Variants in LRRC20 observed in about 807,000 individuals in gnomAD.
LRRC20 encodes the protein leucine-rich repeat-containing protein 20.
LRRC20 carries 11 observed loss-of-function variants against 14.4 expected under a neutral mutation model. The ratio of observed to expected loss-of-function variants is 0.77; its 90% CI spans 0.48 to 1.27. LRRC20 has a LOEUF of 1.27. Ranked by LOEUF, LRRC20 falls within the 50% of genes most tolerant of loss-of-function variation. The pLI, the probability that LRRC20 is intolerant of heterozygous loss-of-function variation, is 0.00. For missense variants in LRRC20, 219 were observed against 251.2 expected, an observed-to-expected ratio of 0.87 and a Z score of 0.87; for synonymous variants, 121 against 107.3, an observed-to-expected ratio of 1.13 and a Z score of -0.79.
intron 3 of LRRC20, among the ~76,000 whole-genome samples, chr10:70,329,857 G>C (rs186588877): frequency 1.3e-5 from 2 of 152,104 alleles, no homozygotes; most frequent in Non-Finnish European, 2.9e-5. Context: ...GAGCCACCTC[G>C]CCCAGCCTAG....
At chr10:70,329,375 T>A (rs1237948640) in intron 3 of LRRC20, among the ~76,000 whole-genome samples, 3 of 152,208 alleles carry the variant, frequency 2.0e-5, no homozygotes, top group Non-Finnish European at 4.4e-5. Flanking sequence ...AGAGTGGACA[T>A]CCTTGCCTTG....
chr10:70,369,822 T>C (rs1420817566), intron 2 of LRRC20, among the ~76,000 whole-genome samples: 1 of 151,968 alleles, frequency 6.6e-6, no homozygotes, highest in Admixed American at 6.6e-5. Flanking sequence ...ATAGAGAATC[T>C]GAATCCCAGC....
At chr10:70,359,536 G>A (rs549764383) in intron 2 of LRRC20, among the ~76,000 whole-genome samples, 1 of 152,146 alleles carries the variant, frequency 6.6e-6, no homozygotes, top group Non-Finnish European at 1.5e-5. Flanking sequence ...GTGAGACCTT[G>A]TCTCAAAATT....
intron 3 of LRRC20, among the ~76,000 whole-genome samples, chr10:70,338,715 C>T (rs1842801042): frequency 6.6e-6 from 1 of 152,206 alleles, no homozygotes; most frequent in Admixed American, 6.5e-5. Flanking sequence ...GGCTGGAGTG[C>T]AGTGGCACGA....
chr10:70,322,398 CGAA>C (rs796377494), intron 4 of LRRC20, among the ~76,000 whole-genome samples: 5 of 152,262 alleles, frequency 3.3e-5, no homozygotes, highest in African/African-American at 1.2e-4. Context: ...AGACGGGAGA[CGAA>C]GGACCCAGGC....
chr10:70,361,638 C>G (rs1390917367), intron 2 of LRRC20, among the ~76,000 whole-genome samples: 1 of 152,210 alleles, frequency 6.6e-6, no homozygotes, highest in Non-Finnish European at 1.5e-5. Flanking sequence ...AAAGGACGAT[C>G]AAGGTGGAAA....
chr10:70,334,632 G>A (rs1456272049), intron 3 of LRRC20, among the ~76,000 whole-genome samples: 4 of 152,058 alleles, frequency 2.6e-5, no homozygotes, highest in African/African-American at 9.7e-5. Flanking sequence ...GGAACAGAGG[G>A]ACCCACCCCG....
rs548667527 is a variant in LRRC20 at position 70,300,441 on chromosome 10, G to A, written c.*913C>T. The A allele has an allele frequency of 5.2e-4, 513 of 985,582 alleles. 2 individuals are homozygous for A. The African/African-American group carries it at 7.1e-3, about 14-fold the overall frequency. The allele number at this position is 985,582 out of a possible 1,614,324, so 61.1% of individuals were successfully genotyped here. A position where few individuals can be genotyped will look rare whatever the true frequency, so the allele number is the denominator to read the frequency against. On this transcript the variant is annotated 3_prime_UTR_variant, in exon 5 of 5. Transcript: ENST00000446961. ...TGGGAGCTGGCTGGCTACAAATCCC[G>A]TGGTCCACATCGCCTTCTGCCCCCA...
Position 70,300,973 on chromosome 10 carries a change from T to C in LRRC20, c.*381A>G. ...CAGGGGCTCAGAAAATACCTGGCAA[T>C]GCCCACCTGTGCCTGCTGATCTGGA... On this transcript the variant is annotated 3_prime_UTR_variant, in exon 5 of 5. Coordinates refer to ENST00000446961, the MANE Select transcript of LRRC20 (RefSeq NM_001278212.2). 1 of 1,010,900 alleles carries C rather than the reference T, an allele frequency of 9.9e-7. No individual in the cohort carries two copies. Among genetic ancestry groups the C allele is most frequent in the Non-Finnish European group, 1.2e-6 (1 of 847,350 alleles). The allele number at this position is 1,010,900 out of a possible 1,614,324, so 62.6% of individuals were successfully genotyped here. A position where few individuals can be genotyped will look rare whatever the true frequency, so the allele number is the denominator to read the frequency against.
chr10:70,324,042 A>C lies in LRRC20; in HGVS notation c.233-12T>G. 1 of 1,613,202 alleles carries C rather than the reference A, an allele frequency of 6.2e-7. No individual in the cohort carries two copies. Among genetic ancestry groups the C allele is most frequent in the Non-Finnish European group, 8.5e-7 (1 of 1,179,800 alleles). On this transcript the variant is annotated splice_polypyrimidine_tract_variant and intron_variant, in intron 3 of 4. Coordinates refer to ENST00000446961, the MANE Select transcript of LRRC20 (RefSeq NM_001278212.2). ...CTCCAGGTGGAGCTCTGCCACGTGCAGGGAAGGAGAGAGAACAGGATGAGG... is the reference window on the plus strand; with the variant it reads ...CTCCAGGTGGAGCTCTGCCACGTGCCGGGAAGGAGAGAGAACAGGATGAGG...
chr10:70,328,224 C>T (rs1842397896), intron 3 of LRRC20, among the ~76,000 whole-genome samples: 1 of 152,160 alleles, frequency 6.6e-6, no homozygotes, highest in African/African-American at 2.4e-5. Flanking sequence ...AGCCTAATCA[C>T]ATATTTACTA....
chr10:70,326,657 C>T (rs1002892061), intron 3 of LRRC20, among the ~76,000 whole-genome samples: 4 of 152,134 alleles, frequency 2.6e-5, no homozygotes, highest in South Asian at 2.1e-4. Context: ...AACCACAGAA[C>T]GCTGCTATCC....
intron 2 of LRRC20, among the ~76,000 whole-genome samples, chr10:70,353,150 AC>A (rs1446775705): frequency 6.6e-6 from 1 of 152,134 alleles, no homozygotes; most frequent in African/African-American, 2.4e-5. Flanking sequence ...GGGGCTTCAG[AC>A]CTTTTATTCC....
chr10:70,354,757 A>G (rs962232068), intron 2 of LRRC20, among the ~76,000 whole-genome samples: 17 of 152,158 alleles, frequency 1.1e-4, no homozygotes, highest in African/African-American at 3.9e-4. Flanking sequence ...CTCTGAGCAG[A>G]CTATTTCAGG....
intron 2 of LRRC20, among the ~76,000 whole-genome samples, chr10:70,355,899 G>GCCA (rs79763870): frequency 5.9e-4 from 89 of 151,794 alleles, no homozygotes; most frequent in African/African-American, 2.1e-3. Flanking sequence ...TCTGACAAAC[G>GCCA]CACACACGAA....
At chr10:70,360,245 T>C (rs2137098844) in intron 2 of LRRC20, among the ~76,000 whole-genome samples, 1 of 152,272 alleles carries the variant, frequency 6.6e-6, no homozygotes, top group African/African-American at 2.4e-5. Context: ...TTACTAGAGA[T>C]GGGGTATTGC....
intron 2 of LRRC20, among the ~76,000 whole-genome samples, chr10:70,357,359 G>T (rs1843563265): frequency 6.6e-6 from 1 of 152,146 alleles, no homozygotes; most frequent in African/African-American, 2.4e-5. Context: ...TACAGTATTT[G>T]AATATACCTC....
chr10:70,334,264 C>T (rs1186952389), intron 3 of LRRC20, among the ~76,000 whole-genome samples: 1 of 152,208 alleles, frequency 6.6e-6, no homozygotes, highest in Admixed American at 6.5e-5. Context: ...GCCCTGCTGT[C>T]CCTGCACATT....
chr10:70,358,031 A>G (rs145171666), intron 2 of LRRC20, among the ~76,000 whole-genome samples: 70 of 152,344 alleles, frequency 4.6e-4, no homozygotes, highest in African/African-American at 1.6e-3. Flanking sequence ...GAAGTTAAGA[A>G]CTTGCTCAAA....
Sources: gnomAD v4.1 joint callset for allele counts (sites outside exome capture counted in the v4.1 genomes callset) on GRCh38, gnomAD v4.1.1 for gene constraint, MANE v1.5 for transcripts, NCBI Gene and HGNC (gene_info 2026-07-23, HGNC 2026-07-21) for gene names.